ASH1L: variants seen among roughly 807,000 people sequenced by gnomAD.
ASH1L encodes the protein histone-lysine N-methyltransferase ASH1L.
ASH1L carries 23 observed loss-of-function variants against 269.0 expected under a neutral mutation model. The observed-to-expected ratio is 0.09, with a 90% confidence interval of 0.06 to 0.12. The LOEUF is 0.12. Ranked by LOEUF, ASH1L falls within the 10% of genes least tolerant of loss-of-function variation. The probability of loss-of-function intolerance (pLI) is 1.00; values close to 1 mark genes in which losing one functional copy is unlikely to be tolerated. For missense variants in ASH1L, 2,912 were observed against 3,567.8 expected, an observed-to-expected ratio of 0.82 and a Z score of 4.68; for synonymous variants, 1,187 against 1,253.5, an observed-to-expected ratio of 0.95 and a Z score of 1.12.
rs1352646632 is a variant in ASH1L at position 155,338,143 on chromosome 1, C to T, written c.8749G>A (p.Glu2917Lys). Reference sequence around the variant, plus strand: ...TTGAGCAAGATCTGGTTGAGTCGTTCCCGTTGGTTATGCCGTCGTTCCTCA... The same window carrying T: ...TTGAGCAAGATCTGGTTGAGTCGTTTCCGTTGGTTATGCCGTCGTTCCTCA... ...TPEERRHNQRERLNQILLNLL... is the reference protein window; with the variant it reads ...TPEERRHNQRKRLNQILLNLL... The change falls in exon 27 of 28, where the codon GAA becomes AAA. Residue 2917 changes from glutamate to lysine, a missense_variant. By Grantham distance (56) the Glu-to-Lys change is moderately conservative. Around this residue, in one of 13 missense-constraint regions of ASH1L, gnomAD observed 154 missense variants for 165.0 expected, o/e 0.93. Transcript: ENST00000392403. 3.1e-5 allele frequency: 50 copies of T among 1,613,940 alleles called. No homozygotes were observed. Among genetic ancestry groups the T allele is most frequent in the Non-Finnish European group, 4.0e-5 (47 of 1,180,024 alleles).
At chr1:155,488,865 G>C (rs12064598) in intron 2 of ASH1L, among the ~76,000 whole-genome samples, 1 of 151,382 alleles carries the variant, frequency 6.6e-6, no homozygotes, top group Non-Finnish European at 1.5e-5. Context: ...TTTTCCAACA[G>C]AAAAATAGCT....
intron 5 of ASH1L, among the ~76,000 whole-genome samples, chr1:155,429,000 G>GGAT (rs1661398418): frequency 6.6e-6 from 1 of 152,028 alleles, no homozygotes; most frequent in African/African-American, 2.4e-5. Context: ...GACCGAGCTG[G>GGAT]TCTCGGCATA....
intron 2 of ASH1L, among the ~76,000 whole-genome samples, chr1:155,490,614 T>TCTCACACACACACA (rs1553267799): frequency 7.0e-6 from 1 of 142,310 alleles, no homozygotes; most frequent in African/African-American, 2.7e-5. Context: ...CCAGACTACG[T>TCTCACACACACACA]CACACACACA....
chr1:155,518,901 A>G (rs1235871065), intron 2 of ASH1L, among the ~76,000 whole-genome samples: 1 of 152,140 alleles, frequency 6.6e-6, no homozygotes, highest in Non-Finnish European at 1.5e-5. Flanking sequence ...GAGAAATCAA[A>G]AACTCATGCA....
intron 3 of ASH1L, among the ~76,000 whole-genome samples, chr1:155,475,683 C>T (rs1377740671): frequency 3.3e-5 from 5 of 152,100 alleles, no homozygotes; most frequent in African/African-American, 1.2e-4. Flanking sequence ...ATGCCAGTGA[C>T]TAGAATAGTC....
intron 6 of ASH1L, among the ~76,000 whole-genome samples, chr1:155,410,212 G>A (rs933226286): frequency 4.6e-5 from 7 of 151,904 alleles, no homozygotes; most frequent in African/African-American, 1.5e-4. Context: ...CTGCAGCCTC[G>A]GACCCCTGGA....
chr1:155,387,754 T>C (rs987212896), intron 7 of ASH1L, among the ~76,000 whole-genome samples: 8 of 152,262 alleles, frequency 5.3e-5, no homozygotes, highest in African/African-American at 1.9e-4. Flanking sequence ...ACGGTATTTA[T>C]TCTTCCAATC....
At chr1:155,461,608 A>G (rs1373069723) in intron 3 of ASH1L, among the ~76,000 whole-genome samples, 2 of 151,984 alleles carry the variant, frequency 1.3e-5, no homozygotes, top group Admixed American at 1.3e-4. Context: ...TCTAAGAAAT[A>G]AAAAGCCCAG....
chr1:155,465,308 A>AAAAAAAAAAAAAAAAAAAC (rs1664598873), intron 3 of ASH1L, among the ~76,000 whole-genome samples: 1 of 151,296 alleles, frequency 6.6e-6, no homozygotes, highest in African/African-American at 2.4e-5. Context: ...AAAAAAAAAA[A>AAAAAAAAAAAAAAAAAAAC]AAAACAGTGA....
At chr1:155,422,581 C>G (rs986176446) in intron 5 of ASH1L, among the ~76,000 whole-genome samples, 1 of 151,484 alleles carries the variant, frequency 6.6e-6, no homozygotes, top group Non-Finnish European at 1.5e-5. Context: ...TTAATAGCAT[C>G]TGGGAACTTG....
intron 5 of ASH1L, among the ~76,000 whole-genome samples, chr1:155,434,961 C>A (rs1661965251): frequency 6.6e-6 from 1 of 152,148 alleles, no homozygotes; most frequent in South Asian, 2.1e-4. Flanking sequence ...AGTTCAAGAC[C>A]AGCCTGGCCA....
chr1:155,524,616 T>C (rs550205696), intron 1 of ASH1L, among the ~76,000 whole-genome samples: 13 of 151,932 alleles, frequency 8.6e-5, no homozygotes, highest in African/African-American at 3.1e-4. Context: ...GAGGATCGCT[T>C]TAGCCCAGGA....
At chr1:155,372,375 T>A in intron 10 of ASH1L, among the ~76,000 whole-genome samples, 1 of 150,936 alleles carries the variant, frequency 6.6e-6, no homozygotes, top group South Asian at 2.1e-4. Flanking sequence ...GTGGCTAAAT[T>A]TCAGCTCACT....
At chr1:155,366,133 A>T (rs1181606220) in intron 12 of ASH1L, among the ~76,000 whole-genome samples, 1 of 152,186 alleles carries the variant, frequency 6.6e-6, no homozygotes, top group Non-Finnish European at 1.5e-5. Context: ...CAGGTCATAA[A>T]GACCTTGCTG....
chr1:155,340,794 G>C (rs965999605), intron 25 of ASH1L, among the ~76,000 whole-genome samples: 2 of 79,456 alleles, frequency 2.5e-5, no homozygotes, highest in Admixed American at 1.4e-4. Context: ...TTTTTTTTTT[G>C]AGACAGGGTC....
At position 155,489,795 on chromosome 1, in the gene ASH1L, AAAATAAATAAAT is replaced by A. The variant is rs754645316; in HGVS notation, c.421-7358_421-7347del. On this transcript the variant is annotated intron_variant, in intron 2 of 27. Transcript: ENST00000392403. Reference sequence around the variant, plus strand: ...TAAATAAATGGGGAGACACTGTCTCAAAATAAATAAATAAATAAATAAATAAATAAATAAATA... The same window carrying A: ...TAAATAAATGGGGAGACACTGTCTCAAAATAAATAAATAAATAAATAAATA... Among the ~76,000 whole-genome samples, 154 of 141,552 alleles carry A rather than the reference AAAATAAATAAAT, an allele frequency of 1.1e-3. 1 individual carries two copies. Among genetic ancestry groups the A allele is most frequent in the Middle Eastern group, 3.5e-3 (1 of 284 alleles). The allele number at this position is 141,552 out of a possible 152,430, so 92.9% of individuals were successfully genotyped here. A position where few individuals can be genotyped will look rare whatever the true frequency, so the allele number is the denominator to read the frequency against.
intron 7 of ASH1L, among the ~76,000 whole-genome samples, chr1:155,389,459 G>T (rs993037440): frequency 6.6e-6 from 1 of 152,072 alleles, no homozygotes; most frequent in Non-Finnish European, 1.5e-5. Context: ...GATCACTTAA[G>T]GTTAGGAGTC....
intron 4 of ASH1L, among the ~76,000 whole-genome samples, chr1:155,449,234 C>T (rs527614508): frequency 6.6e-6 from 1 of 151,896 alleles, no homozygotes; most frequent in Non-Finnish European, 1.5e-5. Context: ...ACGCCCGGCC[C>T]TATGTGTCTT....
chr1:155,337,876 T>C, intron 27 of ASH1L, 125 bp from the exon 28 acceptor site: 1 of 1,076,224 alleles, frequency 9.3e-7, no homozygotes, highest in Non-Finnish European at 1.4e-6. Flanking sequence ...ATTTAGCCCA[T>C]CCTCCAACCC....
Sources: gnomAD v4.1 joint callset for allele counts (sites outside exome capture counted in the v4.1 genomes callset) on GRCh38, gnomAD v4.1.1 for gene constraint, gnomAD v4.1.1 regional missense constraint, MANE v1.5 for transcripts, NCBI Gene and HGNC (gene_info 2026-07-23, HGNC 2026-07-21) for gene names.